Variants in TG observed in about 807,000 individuals in gnomAD.
TG encodes thyroid hormones.
In TG, 270 loss-of-function variants were observed where a neutral mutation model predicts 324.7. That is an observed-to-expected ratio of 0.83 (90% CI 0.75 to 0.92). The LOEUF (loss-of-function observed/expected upper bound fraction) is 0.92, where lower values mean the gene tolerates loss of function less well. TG is among the 40% of genes least tolerant of loss of function. The pLI is 0.00. For synonymous variants in TG, 1,401 were observed against 1,327.0 expected, an observed-to-expected ratio of 1.06 and a Z score of -1.21; for missense variants, 3,591 against 3,456.4, an observed-to-expected ratio of 1.04 and a Z score of -0.98.
chr8:133,022,101 C>G lies in TG; in HGVS notation c.6987C>G (p.Ile2329Met). The G allele has an allele frequency of 6.2e-7, 1 of 1,614,136 alleles. No homozygotes were observed. The highest frequency in any genetic ancestry group is 8.5e-7 in the Non-Finnish European group (1 of 1,180,028). ...GSFLAAVGNLIVVTASYRVGV... is the reference protein window; with the variant it reads ...GSFLAAVGNLMVVTASYRVGV... ...TCTTGGCTGCTGTTGGCAACCTCAT[C>G]GTGGTCACTGCCAGCTACCGAGTGG... The change falls in exon 40 of 48, where the codon ATC (isoleucine) becomes ATG (methionine). Residue 2329 changes from isoleucine (I) to methionine (M), a missense_variant. Physicochemically the swap from Ile to Met is conservative, Grantham distance 10. Transcript: ENST00000220616.
At chr8:133,116,463 G>T in intron 44 of TG, 146 bp from the exon 45 acceptor site, 2 of 707,000 alleles carry the variant, frequency 2.8e-6, no homozygotes, top group South Asian at 3.0e-5. Flanking sequence ...GAGCATTGCT[G>T]GGGAATGGGA....
intron 27 of TG, among the ~76,000 whole-genome samples, chr8:132,956,301 T>A (rs1450963505): frequency 6.6e-6 from 1 of 152,238 alleles, no homozygotes; most frequent in South Asian, 2.1e-4. Flanking sequence ...ATTTATATAC[T>A]GAACACCAGC....
chr8:132,880,675 A>T (rs538607765), intron 5 of TG, among the ~76,000 whole-genome samples: 1 of 152,320 alleles, frequency 6.6e-6, no homozygotes, highest in Admixed American at 6.5e-5. Context: ...ACTTGAATGG[A>T]AATTCAAAGC....
At chr8:133,061,039 T>C (rs1206232934) in intron 41 of TG, among the ~76,000 whole-genome samples, 1 of 152,218 alleles carries the variant, frequency 6.6e-6, no homozygotes, top group Non-Finnish European at 1.5e-5. Flanking sequence ...TGAGACGCAG[T>C]CTCACTCTGT....
chr8:133,116,772 G>C, intron 45 of TG, 56 bp downstream of exon 45: 1 of 1,446,370 alleles, frequency 6.9e-7, no homozygotes, highest in South Asian at 1.1e-5. Flanking sequence ...ATAAGTCCCA[G>C]TTCGATGACA....
At chr8:132,979,826 T>C (rs916355229) in intron 34 of TG, among the ~76,000 whole-genome samples, 23 of 152,298 alleles carry the variant, frequency 1.5e-4, no homozygotes, top group Admixed American at 3.3e-4. Context: ...AGACACTAAC[T>C]ACCTGGATTT....
At position 133,072,695 on chromosome 8, in the gene TG, C is replaced by A. The variant is rs535302241; in HGVS notation, c.7240-22349C>A. ...TTAGGTGCACTAGAATGAATAATTT[C>A]TGTCTTTAAAAAGGCTCATTTCCCT... On this transcript the variant is annotated intron_variant, in intron 41 of 47. Transcript: ENST00000220616. 2.0e-5 allele frequency among the ~76,000 whole-genome samples: 3 copies of A among 152,340 alleles called. No individual in the cohort carries two copies. The South Asian group carries it at 6.2e-4, about 32-fold the overall frequency.
intron 35 of TG, among the ~76,000 whole-genome samples, chr8:132,997,920 C>G (rs73359308): frequency 0.021 from 3,260 of 152,168 alleles, 120 homozygotes; most frequent in African/African-American, 0.074. Flanking sequence ...GAAACCCAGA[C>G]CATGAGATGA....
intron 35 of TG, chr8:132,994,679 T>C: frequency 7.8e-7 from 1 of 1,286,918 alleles, no homozygotes; most frequent in Non-Finnish European, 1.0e-6. Flanking sequence ...GGAACTCAGT[T>C]TGACTTATTA....
At chr8:133,113,303 G>T (rs1234388995) in intron 43 of TG, 119 bp from the exon 44 acceptor site, 6 of 1,168,390 alleles carry the variant, frequency 5.1e-6, no homozygotes, top group Non-Finnish European at 7.5e-6. Context: ...TTCCACTTGT[G>T]TTTAATGCCA....
At chr8:132,957,766 C>CACAG (rs145372427) in intron 27 of TG, among the ~76,000 whole-genome samples, 2,728 of 145,576 alleles carry the variant, frequency 0.019, 113 homozygotes, top group African/African-American at 0.067. Flanking sequence ...CACACACACA[C>CACAG]ACACACACAC....
intron 43 of TG, among the ~76,000 whole-genome samples, chr8:133,101,575 T>C (rs1359593066): frequency 7.0e-6 from 1 of 142,456 alleles, no homozygotes; most frequent in Non-Finnish European, 1.6e-5. Context: ...GACATATCAA[T>C]TGCAGTAAAT....
At chr8:133,012,568 G>C (rs1834616752) in intron 36 of TG, among the ~76,000 whole-genome samples, 1 of 152,214 alleles carries the variant, frequency 6.6e-6, no homozygotes, top group Non-Finnish European at 1.5e-5. Context: ...GTAACCACTT[G>C]ATGGGAATGT....
Position 132,883,690 on chromosome 8 carries a change from G to A in TG, c.1075+691G>A, listed in dbSNP as rs552713625. Among the ~76,000 whole-genome samples, 6 of 152,252 alleles carry A rather than the reference G, an allele frequency of 3.9e-5. No individual in the cohort carries two copies. In the East Asian group the frequency reaches 5.8e-4, roughly 15 times the overall value. On this transcript the variant is annotated intron_variant, in intron 8 of 47. Transcript: ENST00000220616. The stretch of plus-strand genomic sequence containing the variant: ...AGGTTTTAAGTTGGACAGTATCATC[G>A]TGGGTTTTGCACGTAAGGCAAAGAA...
intron 8 of TG, 131 bp downstream of exon 8, chr8:132,883,130 CCTGT>C (rs1814902551): frequency 4.3e-6 from 4 of 938,676 alleles, no homozygotes; most frequent in African/African-American, 1.7e-5. Flanking sequence ...TCAAGCTCAA[CCTGT>C]CTGAGAACCA....
chr8:133,032,003 TG>T (rs1836686623), intron 41 of TG, among the ~76,000 whole-genome samples: 1 of 152,200 alleles, frequency 6.6e-6, no homozygotes. Flanking sequence ...CCAAAGCTGC[TG>T]CCTCACAAGA....
rs182929995 is a variant in TG at position 133,033,855 on chromosome 8, T to C, written c.7239+3832T>C. On this transcript the variant is annotated intron_variant, in intron 41 of 47. Transcript: ENST00000220616. ...AACTGTGCCTTATTTTACATGCTTA[T>C]TATTTTTCTAACATCTCTCATTCCA... 4.6e-5 allele frequency among the ~76,000 whole-genome samples: 7 copies of C among 152,384 alleles called. No homozygotes were observed. In the East Asian group the frequency reaches 1.3e-3, roughly 29 times the overall value.
At chr8:132,974,626 A>T (rs1587647789) in intron 34 of TG, among the ~76,000 whole-genome samples, 1 of 152,300 alleles carries the variant, frequency 6.6e-6, no homozygotes, top group African/African-American at 2.4e-5. Flanking sequence ...AAATGACTAG[A>T]CAGGAAAATG....
intron 43 of TG, among the ~76,000 whole-genome samples, chr8:133,097,973 G>C (rs377622201): frequency 6.6e-6 from 1 of 152,064 alleles, no homozygotes; most frequent in African/African-American, 2.4e-5. Context: ...TGTTGCAAGG[G>C]GGGGTGTCAA....
Sources: allele counts gnomAD v4.1 joint callset (sites outside exome capture counted in the v4.1 genomes callset), GRCh38; gene constraint gnomAD v4.1.1; transcripts MANE v1.5; gene names NCBI Gene and HGNC (gene_info 2026-07-23, HGNC 2026-07-21).